The following GALNT13 variants were observed in gnomAD, a reference collection of about 807,000 sequenced individuals.
The protein encoded by GALNT13 is polypeptide N-acetylgalactosaminyltransferase 13, also known as UDP-GalNAc:polypeptide N-acetylgalactosaminyltransferase 13.
GALNT13 carries 28 observed loss-of-function variants against 64.2 expected under a neutral mutation model. The observed-to-expected ratio is 0.44, with a 90% CI of 0.32 to 0.60. The LOEUF (loss-of-function observed/expected upper bound fraction) is 0.60, where lower values mean the gene tolerates loss of function less well. Ranked by LOEUF, GALNT13 falls within the 20% of genes least tolerant of loss-of-function variation. The pLI, the probability that GALNT13 is intolerant of heterozygous loss-of-function variation, is 0.05. For missense variants in GALNT13, 577 were observed against 669.8 expected (o/e 0.86, Z 1.53); for synonymous variants, 214 against 224.6 (o/e 0.95, Z 0.42).
intron 3 of GALNT13, among the ~76,000 whole-genome samples, chr2:153,963,353 C>A (rs1165721188): frequency 6.6e-6 from 1 of 152,154 alleles, no homozygotes; most frequent in Non-Finnish European, 1.5e-5. Context: ...TCGTTTCCAT[C>A]TTTTCATTAT....
At chr2:153,606,697 TTAGAG>T in the GALNT13 span, among the ~76,000 whole-genome samples, 3 of 152,014 alleles carry the variant, frequency 2.0e-5, no homozygotes, top group East Asian at 1.9e-4. Flanking sequence ...TTTTGAAAAC[TTAGAG>T]TAGTGTGACA....
At chr2:154,021,451 C>T (rs1218692113) in intron 3 of GALNT13, among the ~76,000 whole-genome samples, 1 of 152,110 alleles carries the variant, frequency 6.6e-6, no homozygotes, top group African/African-American at 2.4e-5. Context: ...GTATTTTATT[C>T]TCTTTGAAAC....
the GALNT13 span, chr2:153,761,545 CA>C: frequency 6.5e-6 from 1 of 152,700 alleles, no homozygotes; most frequent in Non-Finnish European, 1.5e-5. Flanking sequence ...TGATTTGAAT[CA>C]AAATACACCA....
intron 1 of GALNT13, among the ~76,000 whole-genome samples, chr2:153,886,179 A>G (rs1179019730): frequency 2.1e-5 from 2 of 96,640 alleles, no homozygotes; most frequent in African/African-American, 9.3e-5. Context: ...TTCTGAACTG[A>G]AAAAAAAAAA....
At chr2:153,630,803 ATATATTTTTTTTT>A in the GALNT13 span, among the ~76,000 whole-genome samples, 33 of 17,520 alleles carry the variant, frequency 1.9e-3, no homozygotes, top group African/African-American at 6.1e-3. Flanking sequence ...ATATATATAT[ATATATTTTTTTTT>A]TTTTTTTTAT....
intron 9 of GALNT13, among the ~76,000 whole-genome samples, chr2:154,372,051 C>T (rs890020477): frequency 2.6e-5 from 4 of 152,028 alleles, no homozygotes; most frequent in Non-Finnish European, 5.9e-5. Flanking sequence ...AAGAGATGCT[C>T]TCATCAAGAA....
the GALNT13 span, among the ~76,000 whole-genome samples, chr2:153,311,874 G>A: frequency 1.3e-5 from 2 of 152,216 alleles, no homozygotes; most frequent in Non-Finnish European, 2.9e-5. Flanking sequence ...ACCAGGAGGT[G>A]AGGAGCACTA....
At chr2:153,437,037 G>A in the GALNT13 span, among the ~76,000 whole-genome samples, 45,714 of 151,814 alleles carry the variant, frequency 0.3, 7,801 homozygotes, top group Non-Finnish European at 0.39. Flanking sequence ...CTTTGTTCTC[G>A]TTGGTTTCAA....
At chr2:154,100,343 G>A (rs951432687) in intron 3 of GALNT13, among the ~76,000 whole-genome samples, 2 of 152,032 alleles carry the variant, frequency 1.3e-5, no homozygotes, top group Non-Finnish European at 1.5e-5. Context: ...TTGAGGATGG[G>A]ATGTTTATCC....
At chr2:153,178,732 C>CTTTTTTTT in the GALNT13 span, among the ~76,000 whole-genome samples, 58 of 98,390 alleles carry the variant, frequency 5.9e-4, no homozygotes, top group Admixed American at 1.1e-3. Flanking sequence ...TTCTCTTCTT[C>CTTTTTTTT]TTTTTTTTTT....
chr2:153,467,265 T>C, the GALNT13 span, among the ~76,000 whole-genome samples: 2 of 151,986 alleles, frequency 1.3e-5, no homozygotes, highest in African/African-American at 4.8e-5. Context: ...TTGAATTTCC[T>C]CCTAAAATCT....
chr2:154,068,488 TA>T (rs1700581272), intron 3 of GALNT13, among the ~76,000 whole-genome samples: 1 of 151,588 alleles, frequency 6.6e-6, no homozygotes. Context: ...GATGAATGGA[TA>T]AAGAAAATGT....
At chr2:153,561,661 G>T in the GALNT13 span, among the ~76,000 whole-genome samples, 3 of 151,636 alleles carry the variant, frequency 2.0e-5, no homozygotes, top group Admixed American at 2.0e-4. Context: ...GTGTGTGTGT[G>T]TGTGTGTGGT....
At chr2:153,542,348 ACACACACACAC>A in the GALNT13 span, among the ~76,000 whole-genome samples, 2,256 of 131,864 alleles carry the variant, frequency 0.017, 57 homozygotes, top group African/African-American at 0.072. Context: ...ACAAACAAAC[ACACACACACAC>A]AAAAAAAAAA....
chr2:153,751,645 C>G, the GALNT13 span, among the ~76,000 whole-genome samples: 1 of 151,852 alleles, frequency 6.6e-6, no homozygotes, highest in Non-Finnish European at 1.5e-5. Context: ...AGAATAGCTA[C>G]TTCTGTCCTT....
At position 154,140,501 on chromosome 2, in the gene GALNT13, G is replaced by C; in HGVS notation, c.307G>C (p.Glu103Gln). Residue 103 changes from glutamate to glutamine, a missense_variant, in exon 4 of 13, where the codon GAA becomes CAA. Physicochemically the swap from Glu to Gln is conservative, Grantham distance 29 (BLOSUM62 2). This residue lies in a region of GALNT13 where 341 missense variants were observed against 379.3 expected (regional missense o/e 0.90). Transcript: ENST00000392825. ...LNRSLPDVRLEGCKTKVYPDE... is the reference protein window; with the variant it reads ...LNRSLPDVRLQGCKTKVYPDE... ...TAGAAGTCTGCCAGATGTAAGATTA[G>C]AAGGGTAAGTTTGCATTTGTTATAT... is the stretch of plus-strand genomic sequence containing the variant. 6.2e-7 allele frequency: 1 copy of C among 1,602,748 alleles called. No individual in the cohort carries two copies.
chr2:153,388,668 A>G, the GALNT13 span, among the ~76,000 whole-genome samples: 1 of 151,960 alleles, frequency 6.6e-6, no homozygotes, highest in Non-Finnish European at 1.5e-5. Flanking sequence ...CCCTCCTCTC[A>G]TTGTACAAAG....
intron 7 of GALNT13, among the ~76,000 whole-genome samples, chr2:154,254,715 A>G (rs545609139): frequency 6.6e-6 from 1 of 152,360 alleles, no homozygotes; most frequent in East Asian, 1.9e-4. Context: ...TTTCAGGTCT[A>G]TGATGTACAC....
chr2:154,361,017 G>T (rs138236396), intron 9 of GALNT13, among the ~76,000 whole-genome samples: 20 of 152,130 alleles, frequency 1.3e-4, no homozygotes, highest in African/African-American at 4.1e-4. Flanking sequence ...GGAAAGATGG[G>T]TTATGTAAAA....
Sources: allele counts gnomAD v4.1 joint callset (sites outside exome capture counted in the v4.1 genomes callset), GRCh38; gene constraint gnomAD v4.1.1; regional missense constraint gnomAD v4.1.1; transcripts MANE v1.5; gene names NCBI Gene and HGNC (gene_info 2026-07-23, HGNC 2026-07-21).